The following IGF1R variants were observed in gnomAD, a reference collection of about 807,000 sequenced individuals.
IGF1R encodes insulin-like growth factor 1 receptor.
A neutral mutation model predicts 144.6 loss-of-function variants in IGF1R; 44 were observed. The observed-to-expected ratio is 0.30, with a 90% CI of 0.24 to 0.39. The LOEUF (loss-of-function observed/expected upper bound fraction) is 0.39. Among genes scored for constraint, IGF1R ranks in the 10% least tolerant of loss-of-function variants. IGF1R has a pLI of 1.00. For synonymous variants in IGF1R, 795 were observed against 722.8 expected (o/e 1.10, Z -1.60); for missense variants, 1,355 against 1,833.7 (o/e 0.74, Z 4.77).
At chr15:98,684,930 C>CTTTTTT (rs5814891) in intron 1 of IGF1R, among the ~76,000 whole-genome samples, 1 of 113,440 alleles carries the variant, frequency 8.8e-6, no homozygotes, top group African/African-American at 3.1e-5. Flanking sequence ...CTTCCTTTTC[C>CTTTTTT]TTTTTTTTTT....
chr15:98,802,551 T>C (rs1274825897), intron 2 of IGF1R, among the ~76,000 whole-genome samples: 2 of 152,190 alleles, frequency 1.3e-5, no homozygotes, highest in Non-Finnish European at 2.9e-5. Flanking sequence ...TGGAACAAAG[T>C]GTGTACAGGA....
intron 2 of IGF1R, among the ~76,000 whole-genome samples, chr15:98,864,766 T>C (rs537683676): frequency 3.9e-5 from 6 of 152,370 alleles, no homozygotes; most frequent in African/African-American, 1.4e-4. Context: ...TGGTCTTTTC[T>C]ATTATTTTTA....
intron 2 of IGF1R, among the ~76,000 whole-genome samples, chr15:98,854,504 C>T (rs758749261): frequency 6.6e-6 from 1 of 152,154 alleles, no homozygotes; most frequent in Non-Finnish European, 1.5e-5. Context: ...TTCTGCGGCC[C>T]TTCATATGAG....
chr15:98,926,250 A>G (rs1212911481), intron 13 of IGF1R, among the ~76,000 whole-genome samples: 2 of 152,210 alleles, frequency 1.3e-5, no homozygotes, highest in Admixed American at 6.5e-5. Context: ...TCTTTCTGAT[A>G]ATGCGGAATC....
intron 2 of IGF1R, among the ~76,000 whole-genome samples, chr15:98,725,957 G>A (rs1410116018): frequency 6.6e-6 from 1 of 152,096 alleles, no homozygotes; most frequent in African/African-American, 2.4e-5. Context: ...CCTCACCTGG[G>A]TCCTTCCCAT....
At chr15:98,777,867 T>C (rs1334479786) in intron 2 of IGF1R, among the ~76,000 whole-genome samples, 1 of 152,182 alleles carries the variant, frequency 6.6e-6, no homozygotes, top group Admixed American at 6.5e-5. Context: ...GTCCCAAATG[T>C]AGACCACTGC....
At position 98,957,067 on chromosome 15, in the gene IGF1R, A is replaced by C. The variant is rs777960130; in HGVS notation, c.3729A>C (p.Glu1243Asp). 6.2e-7 allele frequency: 1 copy of C among 1,614,020 alleles called. No individual in the cohort carries two copies. Among genetic ancestry groups the C allele is most frequent in the African/African-American group, 1.3e-5 (1 of 74,916 alleles). ...KPDNCPDMLF[E>D]LMRMCWQYNP... Reference sequence around the variant, plus strand: ...CCGTGTGTCTTGGCTGCAGGTTTGAACTGATGCGCATGTGCTGGCAGTATA... The same window carrying C: ...CCGTGTGTCTTGGCTGCAGGTTTGACCTGATGCGCATGTGCTGGCAGTATA... The change falls in exon 21 of 21, where the codon GAA (glutamate) becomes GAC (aspartate). Residue 1243 changes from glutamate to aspartate, a missense_variant. Glu to Asp is a conservative substitution (Grantham distance 45). This residue lies in a region of IGF1R where 219 missense variants were observed against 188.8 expected (regional missense o/e 1.16). Transcript: ENST00000650285.
intron 2 of IGF1R, among the ~76,000 whole-genome samples, chr15:98,822,438 G>A (rs2056819177): frequency 6.6e-6 from 1 of 152,176 alleles, no homozygotes; most frequent in Non-Finnish European, 1.5e-5. Flanking sequence ...AGTCTAGCAT[G>A]ATAAAAGATC....
intron 1 of IGF1R, among the ~76,000 whole-genome samples, chr15:98,699,809 G>T (rs1324998457): frequency 6.6e-6 from 1 of 152,132 alleles, no homozygotes; most frequent in Admixed American, 6.5e-5. Context: ...ATGATGTGTG[G>T]GTGGCTCTGC....
intron 2 of IGF1R, among the ~76,000 whole-genome samples, chr15:98,745,655 C>A (rs1489256009): frequency 2.6e-5 from 4 of 152,236 alleles, no homozygotes; most frequent in Non-Finnish European, 2.9e-5. Flanking sequence ...TGAAAGATGG[C>A]TGAAACTCCT....
chr15:98,650,549 T>C (rs2052334786), intron 1 of IGF1R, among the ~76,000 whole-genome samples: 1 of 152,128 alleles, frequency 6.6e-6, no homozygotes, highest in Admixed American at 6.5e-5. Flanking sequence ...CGCATCCGAG[T>C]GTGCGTTGGT....
intron 1 of IGF1R, among the ~76,000 whole-genome samples, chr15:98,693,698 C>T (rs147236727): frequency 2.4e-4 from 36 of 152,294 alleles, no homozygotes; most frequent in Admixed American, 3.9e-4. Context: ...CTCTGCCTCC[C>T]GGGTTCAAGT....
intron 6 of IGF1R, among the ~76,000 whole-genome samples, chr15:98,910,015 T>C (rs966490689): frequency 6.6e-6 from 1 of 152,218 alleles, no homozygotes; most frequent in South Asian, 2.1e-4. Flanking sequence ...GGGTGATTTG[T>C]GCGTGTGTGC....
intron 11 of IGF1R, among the ~76,000 whole-genome samples, chr15:98,922,989 G>A (rs1192204363): frequency 6.6e-6 from 1 of 152,192 alleles, no homozygotes; most frequent in African/African-American, 2.4e-5. Context: ...CCTTTAGTAG[G>A]CCTCAGGTGG....
chr15:98,801,339 G>C (rs1437812996), intron 2 of IGF1R, among the ~76,000 whole-genome samples: 1 of 152,198 alleles, frequency 6.6e-6, no homozygotes, highest in East Asian at 1.9e-4. Flanking sequence ...GAAGCTGTGT[G>C]ACAATGCTGG....
intron 19 of IGF1R, among the ~76,000 whole-genome samples, chr15:98,946,538 G>T (rs1156693753): frequency 6.6e-6 from 1 of 152,156 alleles, no homozygotes; most frequent in Non-Finnish European, 1.5e-5. Context: ...ACGGAAGGAG[G>T]GTGCCAGACC....
At chr15:98,729,361 T>G (rs1416461560) in intron 2 of IGF1R, among the ~76,000 whole-genome samples, 4 of 152,212 alleles carry the variant, frequency 2.6e-5, no homozygotes, top group Non-Finnish European at 5.9e-5. Flanking sequence ...AAGCACTTAT[T>G]TTTCATGGAA....
chr15:98,872,080 C>A (rs2012814656), intron 2 of IGF1R, among the ~76,000 whole-genome samples: 1 of 152,218 alleles, frequency 6.6e-6, no homozygotes, highest in African/African-American at 2.4e-5. Context: ...AGACCCTTCA[C>A]AATAGCATCT....
intron 20 of IGF1R, among the ~76,000 whole-genome samples, chr15:98,952,289 C>T (rs1008693745): frequency 7.2e-6 from 1 of 139,020 alleles, no homozygotes; most frequent in Non-Finnish European, 1.6e-5. Flanking sequence ...CTGGCTACCC[C>T]CCAGTACCCC....
Sources: allele counts gnomAD v4.1 joint callset (sites outside exome capture counted in the v4.1 genomes callset), GRCh38; gene constraint gnomAD v4.1.1; regional missense constraint gnomAD v4.1.1; transcripts MANE v1.5; gene names NCBI Gene and HGNC (gene_info 2026-07-23, HGNC 2026-07-21).